BMPR1B: variants seen among roughly 807,000 people sequenced by gnomAD.
The protein encoded by BMPR1B is bone morphogenetic protein receptor type 1B, also known as bone morphogenetic protein receptor type-1B.
In BMPR1B, 12 loss-of-function variants were observed where a neutral mutation model predicts 59.1. That is an observed-to-expected ratio of 0.20 (90% confidence interval 0.13 to 0.33). The LOEUF (loss-of-function observed/expected upper bound fraction) is 0.33, where lower values mean the gene tolerates loss of function less well. BMPR1B is among the 10% of genes least tolerant of loss of function. The probability of loss-of-function intolerance (pLI) is 1.00; values close to 1 mark genes in which losing one functional copy is unlikely to be tolerated. For missense variants in BMPR1B, 550 were observed against 610.9 expected (o/e 0.90, Z 1.05); for synonymous variants, 237 against 207.3 (o/e 1.14, Z -1.23).
intron 1 of BMPR1B, among the ~76,000 whole-genome samples, chr4:94,788,701 C>G (rs551872371): frequency 3.6e-4 from 55 of 152,266 alleles, no homozygotes; most frequent in African/African-American, 1.0e-3. Context: ...GGACTTGTAC[C>G]TCTTCTCTTG....
At chr4:95,101,482 A>AT in intron 3 of BMPR1B, among the ~76,000 whole-genome samples, 1 of 152,092 alleles carries the variant, frequency 6.6e-6, no homozygotes, top group Non-Finnish European at 1.5e-5. Context: ...GCCTCATGCT[A>AT]TTTTAATATC....
In BMPR1B at chr4:94,944,777, A is replaced by G. The variant is rs376765988; in HGVS notation, c.-112-51263A>G. 3.9e-5 allele frequency among the ~76,000 whole-genome samples: 6 copies of G among 152,292 alleles called. No individual in the cohort carries two copies. The East Asian group carries it at 9.6e-4, about 24-fold the overall frequency. On this transcript the variant is annotated intron_variant, in intron 2 of 12. Coordinates refer to ENST00000515059, the MANE Select transcript of BMPR1B (RefSeq NM_001203.3). ...GAACTTATTGCCTTATTGTAATGCT[A>G]CCATAATGTTTATGGTGCAACCTGT...
chr4:94,775,839 C>A (rs1578629278), intron 1 of BMPR1B, among the ~76,000 whole-genome samples: 1 of 127,396 alleles, frequency 7.8e-6, no homozygotes. Context: ...CGCCTGTAAT[C>A]CCAGCACGCT....
intron 2 of BMPR1B, among the ~76,000 whole-genome samples, chr4:94,945,501 A>G (rs191976739): frequency 3.2e-4 from 48 of 152,222 alleles, no homozygotes; most frequent in Non-Finnish European, 5.4e-4. Flanking sequence ...GCAGTGGTGT[A>G]ATAGCTCACT....
intron 3 of BMPR1B, among the ~76,000 whole-genome samples, chr4:95,006,781 C>T (rs1722869155): frequency 6.6e-6 from 1 of 152,038 alleles, no homozygotes. Context: ...CTTCGTGATC[C>T]ACCCGCCTCG....
chr4:95,129,915 T>C lies in BMPR1B; in HGVS notation c.639T>C (p.Gly213=). 1 of 1,613,748 alleles carries C rather than the reference T, an allele frequency of 6.2e-7. No homozygotes were observed. Residue 213 remains glycine (G), a synonymous_variant, in exon 9 of 13, where the codon GGT becomes GGC. Transcript: ENST00000515059. The part of the protein sequence containing the change: ...QIQMVKQIGK[G]RYGEVWMGKW... ...AGATGGTGAAACAGATTGGAAAAGGTCGCTATGGGGAAGTTTGGATGGGAA... is the reference window on the plus strand; with the variant it reads ...AGATGGTGAAACAGATTGGAAAAGGCCGCTATGGGGAAGTTTGGATGGGAA...
chr4:95,038,638 C>A (rs981712475), intron 3 of BMPR1B, among the ~76,000 whole-genome samples: 10 of 152,186 alleles, frequency 6.6e-5, no homozygotes, highest in Admixed American at 3.9e-4. Flanking sequence ...TCTGATTATA[C>A]ACATACCATT....
At chr4:94,775,027 CTT>C (rs773781115) in intron 1 of BMPR1B, among the ~76,000 whole-genome samples, 9 of 152,142 alleles carry the variant, frequency 5.9e-5, no homozygotes, top group Non-Finnish European at 7.4e-5. Context: ...AAAAAATTCT[CTT>C]CTGTATTTTG....
chr4:94,946,822 G>A (rs1031749921), intron 2 of BMPR1B, among the ~76,000 whole-genome samples: 5 of 152,026 alleles, frequency 3.3e-5, no homozygotes, highest in Admixed American at 1.3e-4. Context: ...AGGCCGAGGC[G>A]GTTGGATTAC....
chr4:94,864,959 C>T (rs1358869631), intron 1 of BMPR1B, among the ~76,000 whole-genome samples: 1 of 151,996 alleles, frequency 6.6e-6, no homozygotes. Flanking sequence ...AGAAATGATA[C>T]ACCTGAATGC....
At chr4:95,032,347 A>G (rs2149159152) in intron 3 of BMPR1B, among the ~76,000 whole-genome samples, 1 of 152,172 alleles carries the variant, frequency 6.6e-6, no homozygotes, top group African/African-American at 2.4e-5. Flanking sequence ...TCTTATAAGG[A>G]CACTAATTCT....
At chr4:94,842,694 C>T (rs942145271) in intron 1 of BMPR1B, among the ~76,000 whole-genome samples, 3 of 152,088 alleles carry the variant, frequency 2.0e-5, no homozygotes, top group African/African-American at 7.2e-5. Flanking sequence ...TACATTTAGT[C>T]TGTGAATGTG....
intron 1 of BMPR1B, among the ~76,000 whole-genome samples, chr4:94,778,323 T>TA (rs1027862082): frequency 5.3e-5 from 8 of 152,182 alleles, no homozygotes; most frequent in Admixed American, 1.3e-4. Flanking sequence ...TTGAGCTTTA[T>TA]AAAAATACGA....
intron 1 of BMPR1B, among the ~76,000 whole-genome samples, chr4:94,774,638 T>C (rs893325153): frequency 1.3e-5 from 2 of 152,126 alleles, no homozygotes; most frequent in Non-Finnish European, 2.9e-5. Context: ...AAATATTCTG[T>C]TAATCTCATT....
At chr4:94,780,682 CTTTTTTT>C (rs869117575) in intron 1 of BMPR1B, among the ~76,000 whole-genome samples, 4 of 82,342 alleles carry the variant, frequency 4.9e-5, no homozygotes, top group African/African-American at 1.0e-4. Context: ...GTATTATTGT[CTTTTTTT>C]TTTTTTTTTT....
At chr4:95,106,610 TGAAAA>T (rs930932997) in intron 4 of BMPR1B, among the ~76,000 whole-genome samples, 8 of 151,918 alleles carry the variant, frequency 5.3e-5, no homozygotes, top group Admixed American at 2.6e-4. Context: ...AGAGGACAGA[TGAAAA>T]GAACCAAGTT....
At chr4:94,758,641 GCCTT>G (rs1388249842) in intron 1 of BMPR1B, among the ~76,000 whole-genome samples, 1 of 152,082 alleles carries the variant, frequency 6.6e-6, no homozygotes, top group African/African-American at 2.4e-5. Flanking sequence ...TGGTCCCGGC[GCCTT>G]GGACTGGGCT....
At chr4:94,989,730 T>G (rs1287428451) in intron 2 of BMPR1B, among the ~76,000 whole-genome samples, 1 of 152,212 alleles carries the variant, frequency 6.6e-6, no homozygotes, top group Non-Finnish European at 1.5e-5. Context: ...TCTTATTCCT[T>G]ATTCATTTAT....
At chr4:94,837,191 G>T (rs972300349) in intron 1 of BMPR1B, among the ~76,000 whole-genome samples, 1 of 147,180 alleles carries the variant, frequency 6.8e-6, no homozygotes, top group African/African-American at 2.5e-5. Context: ...GTCAGGTAGC[G>T]TGATGCCTCC....
Sources: allele counts gnomAD v4.1 joint callset (sites outside exome capture counted in the v4.1 genomes callset), GRCh38; gene constraint gnomAD v4.1.1; transcripts MANE v1.5; gene names NCBI Gene and HGNC (gene_info 2026-07-23, HGNC 2026-07-21).